The following RBFOX1 variants were observed in gnomAD, a reference collection of about 807,000 sequenced individuals.
RBFOX1 encodes RNA binding protein fox-1 homolog 1.
A neutral mutation model predicts 57.7 loss-of-function variants in RBFOX1; 8 were observed. The ratio of observed to expected loss-of-function variants is 0.14; its 90% confidence interval spans 0.08 to 0.25. RBFOX1 has a LOEUF of 0.25. Ranked by LOEUF, RBFOX1 falls within the 10% of genes least tolerant of loss-of-function variation. RBFOX1 has a pLI of 1.00. For synonymous variants in RBFOX1, 326 were observed against 222.4 expected (o/e 1.47, Z -4.15); for missense variants, 611 against 548.5 (o/e 1.11, Z -1.14).
chr16:6,486,266 G>C (rs2095480156), intron 2 of RBFOX1, among the ~76,000 whole-genome samples: 2 of 151,706 alleles, frequency 1.3e-5, no homozygotes, highest in Non-Finnish European at 2.9e-5. Context: ...CTGCTTGAAT[G>C]GGCCAATCTT....
In RBFOX1 at chr16:6,472,114, C is replaced by T. The variant is rs1208183295; in HGVS notation, c.-64+155057C>T. ...TACCGACAAATTTACCTGATCTTCC[C>T]AGCCTAGCCCTTGAGCTTAACCATT... On this transcript the variant is annotated intron_variant, in intron 2 of 15. Coordinates refer to ENST00000550418, the MANE Select transcript of RBFOX1 (RefSeq NM_018723.4). Among the ~76,000 whole-genome samples, 3 of 152,188 alleles carry T rather than the reference C, an allele frequency of 2.0e-5. No individual in the cohort carries two copies. The East Asian group carries it at 5.8e-4, about 29-fold the overall frequency.
chr16:7,264,349 A>C lies in RBFOX1; in HGVS notation c.27+212251A>C, dbSNP rs534167155. Among the ~76,000 whole-genome samples, 24 of 152,348 alleles carry C rather than the reference A, an allele frequency of 1.6e-4. No individual in the cohort carries two copies. In the South Asian group the frequency reaches 2.5e-3, roughly 16 times the overall value. The stretch of plus-strand genomic sequence containing the variant: ...AATTCATAGTTGTTGAGGGCCTCCA[A>C]GATCTTATGAGAAACTCAGAAGGTG... On this transcript the variant is annotated intron_variant, in intron 4 of 15. Transcript: ENST00000550418.
chr16:6,656,931 C>CCCTCT (rs1568078158), intron 3 of RBFOX1, among the ~76,000 whole-genome samples: 4 of 55,638 alleles, frequency 7.2e-5, no homozygotes, highest in Non-Finnish European at 1.0e-4. Flanking sequence ...TCCTCTCCTC[C>CCCTCT]CCTCTCCTCC....
At chr16:6,493,245 G>A (rs962191847) in intron 2 of RBFOX1, among the ~76,000 whole-genome samples, 1 of 152,078 alleles carries the variant, frequency 6.6e-6, no homozygotes. Context: ...TGGATTCACA[G>A]TTATGTTTTG....
intron 4 of RBFOX1, among the ~76,000 whole-genome samples, chr16:5,953,120 G>C (rs1028454355): frequency 6.6e-6 from 1 of 151,742 alleles, no homozygotes; most frequent in Non-Finnish European, 1.5e-5. Flanking sequence ...TTGGGAGGGT[G>C]GGGTGGGAGG....
chr16:7,617,072 CATG>C (rs1172168665), intron 10 of RBFOX1, among the ~76,000 whole-genome samples: 1 of 150,750 alleles, frequency 6.6e-6, no homozygotes, highest in Non-Finnish European at 1.5e-5. Context: ...GCATAAGAAA[CATG>C]ATACCACTGG....
chr16:6,492,990 T>C (rs917501906), intron 2 of RBFOX1, among the ~76,000 whole-genome samples: 4 of 152,236 alleles, frequency 2.6e-5, no homozygotes, highest in Non-Finnish European at 5.9e-5. Context: ...AGGGAAGAGA[T>C]GAAGCTTTTG....
At chr16:5,382,065 C>G (rs1158058734) in intron 1 of RBFOX1, among the ~76,000 whole-genome samples, 2 of 152,184 alleles carry the variant, frequency 1.3e-5, no homozygotes, top group East Asian at 3.9e-4. Context: ...CCTGGGAGAA[C>G]AAAATCACCC....
At chr16:7,241,692 T>A (rs897429885) in intron 4 of RBFOX1, among the ~76,000 whole-genome samples, 5 of 152,096 alleles carry the variant, frequency 3.3e-5, no homozygotes, top group Admixed American at 6.6e-5. Context: ...TACATCTGGA[T>A]GACAAATGTG....
chr16:7,386,413 T>A (rs1450378630), intron 4 of RBFOX1, among the ~76,000 whole-genome samples: 25 of 146,152 alleles, frequency 1.7e-4, no homozygotes, highest in Non-Finnish European at 1.9e-4. Flanking sequence ...CAGTGTGTGA[T>A]GTTCCCCTCC....
At chr16:6,123,907 G>C (rs2096569740) in intron 1 of RBFOX1, among the ~76,000 whole-genome samples, 1 of 152,002 alleles carries the variant, frequency 6.6e-6, no homozygotes, top group Non-Finnish European at 1.5e-5. Flanking sequence ...AAAAAGAATA[G>C]CTAAAAGGTA....
chr16:7,263,597 G>T (rs886797391), intron 4 of RBFOX1, among the ~76,000 whole-genome samples: 9 of 152,024 alleles, frequency 5.9e-5, no homozygotes, highest in Non-Finnish European at 1.2e-4. Context: ...GCTAAAAGGG[G>T]TGATAAGAGG....
At chr16:6,531,144 G>A (rs971025453) in intron 2 of RBFOX1, among the ~76,000 whole-genome samples, 1 of 152,134 alleles carries the variant, frequency 6.6e-6, no homozygotes, top group African/African-American at 2.4e-5. Flanking sequence ...GTAGGATCCA[G>A]GTTGTTTCCC....
chr16:7,544,892 C>T (rs545738236), intron 5 of RBFOX1, among the ~76,000 whole-genome samples: 1 of 152,246 alleles, frequency 6.6e-6, no homozygotes, highest in South Asian at 2.1e-4. Flanking sequence ...ATGTCAGCAC[C>T]ATACTGCATT....
chr16:6,788,694 C>T (rs959705381), intron 3 of RBFOX1, among the ~76,000 whole-genome samples: 17 of 151,946 alleles, frequency 1.1e-4, no homozygotes, highest in Non-Finnish European at 2.2e-4. Flanking sequence ...CCAGGATGGT[C>T]TCTATCTCCT....
At chr16:6,665,248 C>T (rs552888189) in intron 3 of RBFOX1, among the ~76,000 whole-genome samples, 2 of 152,196 alleles carry the variant, frequency 1.3e-5, no homozygotes, top group Non-Finnish European at 2.9e-5. Flanking sequence ...GGCGATGTCC[C>T]TCTTGTTTGT....
chr16:5,361,830 G>C (rs1368970306), intron 1 of RBFOX1, among the ~76,000 whole-genome samples: 1 of 152,216 alleles, frequency 6.6e-6, no homozygotes, highest in Non-Finnish European at 1.5e-5. Flanking sequence ...GGGAGACATA[G>C]AGAAAGTACT....
At chr16:6,662,744 G>A (rs191192018) in intron 3 of RBFOX1, among the ~76,000 whole-genome samples, 1 of 152,078 alleles carries the variant, frequency 6.6e-6, no homozygotes, top group African/African-American at 2.4e-5. Flanking sequence ...GGCAATTCTG[G>A]CATCTGGCTA....
intron 4 of RBFOX1, among the ~76,000 whole-genome samples, chr16:7,501,821 A>G (rs732206): frequency 0.94 from 143,205 of 152,242 alleles, 67,842 homozygotes; most frequent in Middle Eastern, 1. Flanking sequence ...CTCTGGGCAC[A>G]TACCCTATTG....
Sources: allele counts gnomAD v4.1 joint callset (sites outside exome capture counted in the v4.1 genomes callset), GRCh38; gene constraint gnomAD v4.1.1; transcripts MANE v1.5; gene names NCBI Gene and HGNC (gene_info 2026-07-23, HGNC 2026-07-21).